The following TNKS2 variants were observed in gnomAD, a reference collection of about 807,000 sequenced individuals.
TNKS2 encodes tankyrase 2.
A neutral mutation model predicts 137.6 loss-of-function variants in TNKS2; 72 were observed. The observed-to-expected ratio is 0.52, with a 90% CI of 0.43 to 0.64. The LOEUF (loss-of-function observed/expected upper bound fraction) is 0.64. Among genes scored for constraint, TNKS2 ranks in the 30% least tolerant of loss-of-function variants. The pLI is 0.00. For synonymous variants in TNKS2, 516 were observed against 512.1 expected, an observed-to-expected ratio of 1.01 and a Z score of -0.10; for missense variants, 1,049 against 1,410.2, an observed-to-expected ratio of 0.74 and a Z score of 4.10.
chr10:91,823,391 A>T (rs1466392202), intron 7 of TNKS2, among the ~76,000 whole-genome samples: 2 of 133,902 alleles, frequency 1.5e-5, no homozygotes. Context: ...GCAGTGGCGC[A>T]ATCTCGGCTC....
intron 5 of TNKS2, 41 bp from the exon 6 acceptor site, chr10:91,819,898 C>A: frequency 7.1e-7 from 1 of 1,409,936 alleles, no homozygotes; most frequent in South Asian, 1.3e-5. Flanking sequence ...TTTATTCAAC[C>A]ATTATTTGAA....
rs566792020 is a variant in TNKS2, at chr10:91,852,011, G to A, written c.2815+675G>A. Among the ~76,000 whole-genome samples, 9 of 152,194 alleles carry A rather than the reference G, an allele frequency of 5.9e-5. No individual in the cohort carries two copies. In the South Asian group the frequency reaches 6.2e-4, roughly 11 times the overall value. ...TGGGAGGCCGATGCAGGTGGATCAC[G>A]AGGTCAGGAGATCCAGACCATCCTG... is the stretch of plus-strand genomic sequence containing the variant. On this transcript the variant is annotated intron_variant, in intron 21 of 26. Coordinates refer to ENST00000371627, the MANE Select transcript of TNKS2 (RefSeq NM_025235.4).
intron 13 of TNKS2, among the ~76,000 whole-genome samples, chr10:91,839,334 C>CT (rs1842137863): frequency 1.3e-5 from 1 of 74,980 alleles, no homozygotes; most frequent in South Asian, 8.1e-4. Flanking sequence ...AAACCATCAG[C>CT]ATTTTTTTTT....
At chr10:91,830,440 ACTCCTGAC>A (rs1845210223) in intron 9 of TNKS2, among the ~76,000 whole-genome samples, 1 of 151,244 alleles carries the variant, frequency 6.6e-6, no homozygotes, top group African/African-American at 2.4e-5. Context: ...CTGGTCTTGA[ACTCCTGAC>A]CTCAGGTGAC....
intron 16 of TNKS2, 71 bp from the exon 17 acceptor site, chr10:91,844,848 G>A: frequency 1.1e-6 from 1 of 917,412 alleles, no homozygotes; most frequent in Non-Finnish European, 1.7e-6. Context: ...ATGTTAACAA[G>A]TGGAAGTATT....
chr10:91,822,527 T>G (rs939886482), intron 7 of TNKS2, among the ~76,000 whole-genome samples, 165 bp downstream of exon 7: 14 of 151,988 alleles, frequency 9.2e-5, no homozygotes, highest in African/African-American at 3.4e-4. Flanking sequence ...GCTCAGCATT[T>G]GACTGCTTTG....
intron 2 of TNKS2, among the ~76,000 whole-genome samples, chr10:91,815,971 C>T (rs545966746): frequency 5.3e-4 from 53 of 99,862 alleles, no homozygotes; most frequent in Admixed American, 2.1e-3. Context: ...TTTTTTGAGA[C>T]GGAGTCTTGC....
rs1841914089 is a variant in TNKS2 at position 91,834,078 on chromosome 10, T to G, written c.1447+54T>G. ...TTTTAAATTAACCTTTAAAAATTTT[T>G]CACATATCAGGTATTATAGGTAGGA... is the stretch of plus-strand genomic sequence containing the variant. On this transcript the variant is annotated intron_variant, in intron 12 of 26. Coordinates refer to ENST00000371627, the MANE Select transcript of TNKS2 (RefSeq NM_025235.4). 1.5e-5 allele frequency: 21 copies of G among 1,437,196 alleles called. No individual in the cohort carries two copies. The South Asian group carries it at 3.4e-4, about 23-fold the overall frequency. 89.0% of individuals were successfully genotyped at this position (1,437,196 alleles called of 1,614,324 possible). A position where few individuals can be genotyped will look rare whatever the true frequency, so the allele number is the denominator to read the frequency against.
At position 91,827,213 on chromosome 10, in the gene TNKS2, A is replaced by G; in HGVS notation, c.982+10A>G. The G allele has an allele frequency of 6.6e-7, 1 of 1,506,848 alleles. No individual in the cohort carries two copies. The highest frequency in any genetic ancestry group is 8.9e-7 in the Non-Finnish European group (1 of 1,122,108). The allele number at this position is 1,506,848 out of a possible 1,614,324, so 93.3% of individuals were successfully genotyped here. ...AAAGAAAGATTAGCATGTGAGTATAAAATTATGAATGTTCAGGTAGGATAT... is the reference window on the plus strand; with the variant it reads ...AAAGAAAGATTAGCATGTGAGTATAGAATTATGAATGTTCAGGTAGGATAT... On this transcript the variant is annotated intron_variant, in intron 8 of 26. Transcript: ENST00000371627.
At chr10:91,851,527 C>T (rs185460740) in intron 21 of TNKS2, among the ~76,000 whole-genome samples, 191 bp downstream of exon 21, 61 of 152,252 alleles carry the variant, frequency 4.0e-4, no homozygotes, top group South Asian at 2.1e-3. Context: ...CTGCTGTTAA[C>T]GATGTGAACC....
chr10:91,833,751 A>G, intron 11 of TNKS2, 102 bp from the exon 12 acceptor site: 1 of 973,268 alleles, frequency 1.0e-6, no homozygotes, highest in Non-Finnish European at 1.4e-6. Flanking sequence ...AGGCCTCATA[A>G]AAGAATTGAG....
intron 17 of TNKS2, among the ~76,000 whole-genome samples, 195 bp downstream of exon 17, chr10:91,845,223 GTTTGT>G: frequency 6.6e-6 from 1 of 152,142 alleles, no homozygotes; most frequent in South Asian, 2.1e-4. Flanking sequence ...GTGTATTGTT[GTTTGT>G]TTTATTATCT....
At chr10:91,857,661 AC>A (rs1842747610) in intron 24 of TNKS2, 131 bp downstream of exon 24, 1 of 442,548 alleles carries the variant, frequency 2.3e-6, no homozygotes, top group Non-Finnish European at 3.9e-6. Context: ...TATTTCTGTA[AC>A]TTTCACATTT....
chr10:91,859,274 C>G (rs1372384919), intron 24 of TNKS2, among the ~76,000 whole-genome samples, 188 bp from the exon 25 acceptor site: 1 of 152,180 alleles, frequency 6.6e-6, no homozygotes, highest in Non-Finnish European at 1.5e-5. Flanking sequence ...CTGTTAGAAA[C>G]ATTAGTTGAT....
chr10:91,844,591 G>A (rs182056194), intron 16 of TNKS2, among the ~76,000 whole-genome samples: 1 of 152,230 alleles, frequency 6.6e-6, no homozygotes, highest in Admixed American at 6.5e-5. Context: ...CAGAGACTTT[G>A]GTAGGAAGGT....
At chr10:91,851,129 GTGAATCTTACATATTA>G (rs1842527161) in intron 20 of TNKS2, 71 bp from the exon 21 acceptor site, 41 of 1,470,228 alleles carry the variant, frequency 2.8e-5, no homozygotes, top group Non-Finnish European at 3.7e-5. Flanking sequence ...GAGTAAATGT[GTGAATCTTACATATTA>G]TGAAAACACC....
rs764314947 is a variant in TNKS2 at position 91,833,864 on chromosome 10, G to T, written c.1287G>T (p.Leu429=). 1 of 1,595,488 alleles carries T rather than the reference G, an allele frequency of 6.3e-7. No individual in the cohort carries two copies. Among genetic ancestry groups the T allele is most frequent in the Non-Finnish European group, 8.5e-7 (1 of 1,174,258 alleles). ...VVKHEAKVNA[L]DNLGQTSLHR... ...TCTGCTTTGTTAAGGTTAATGCTCT[G>T]GATAATCTTGGTCAGACTTCTCTAC... Residue 429 remains leucine, a synonymous_variant, in exon 12 of 27, where the codon CTG becomes CTT. Transcript: ENST00000371627.
At chr10:91,857,403 T>G in intron 23 of TNKS2, 22 bp from the exon 24 acceptor site, 1 of 1,543,964 alleles carries the variant, frequency 6.5e-7, no homozygotes, top group African/African-American at 1.4e-5. Context: ...AAGATTTGAT[T>G]TTTCTGGTTT....
intron 2 of TNKS2, among the ~76,000 whole-genome samples, chr10:91,815,500 A>G (rs796746628): frequency 1.3e-5 from 2 of 152,298 alleles, no homozygotes; most frequent in African/African-American, 4.8e-5. Flanking sequence ...TATAATCTGC[A>G]CTATCCAATA....
Sources: allele counts gnomAD v4.1 joint callset (sites outside exome capture counted in the v4.1 genomes callset), GRCh38; gene constraint gnomAD v4.1.1; transcripts MANE v1.5; gene names NCBI Gene and HGNC (gene_info 2026-07-23, HGNC 2026-07-21).